Variants in IQCH observed in about 807,000 individuals in gnomAD.
IQCH encodes IQ domain-containing protein H.
IQCH carries 98 observed loss-of-function variants against 117.0 expected under a neutral mutation model. That is an observed-to-expected ratio of 0.84 (90% CI 0.71 to 0.99). The LOEUF is 0.99. Ranked by LOEUF, IQCH falls within the 50% of genes least tolerant of loss-of-function variation. The probability of loss-of-function intolerance (pLI) is 0.00; values close to 1 mark genes in which losing one functional copy is unlikely to be tolerated. For synonymous variants in IQCH, 412 were observed against 448.2 expected (o/e 0.92, Z 1.02); for missense variants, 1,102 against 1,243.8 (o/e 0.89, Z 1.72).
At position 67,357,554 on chromosome 15, in the gene IQCH, A is replaced by T. The variant is rs1452364604; in HGVS notation, c.714+133A>T. 4.4e-6 allele frequency: 3 copies of T among 677,946 alleles called. No individual in the cohort carries two copies. The African/African-American group carries it at 5.3e-5, about 12-fold the overall frequency. 42.0% of individuals were successfully genotyped at this position (677,946 alleles called of 1,614,324 possible). On this transcript the variant is annotated intron_variant, in intron 7 of 20. Coordinates refer to ENST00000335894, the MANE Select transcript of IQCH (RefSeq NM_001031715.3). Reference sequence around the variant, plus strand: ...AAGTGCTATTTCAGCTGCTGCTGGTATGCATTTGACTTTCAAAAGGGGAAT... The same window carrying T: ...AAGTGCTATTTCAGCTGCTGCTGGTTTGCATTTGACTTTCAAAAGGGGAAT...
rs535346161 is a variant in IQCH at position 67,474,591 on chromosome 15, A to T, written c.2677-1105A>T. ...ACAGCACTTTGGGCCTACTATCACC[A>T]ATCTCTTTGGCATGGCTTTCACTGA... is the stretch of plus-strand genomic sequence containing the variant. On this transcript the variant is annotated intron_variant, in intron 17 of 20. Transcript: ENST00000335894. The surrounding 1 kb of genome is among the most constrained non-coding windows in gnomAD (Gnocchi z 4.1). Among the ~76,000 whole-genome samples, 25 of 152,206 alleles carry T rather than the reference A, an allele frequency of 1.6e-4. No homozygotes were observed. The highest frequency in any genetic ancestry group is 2.6e-4 in the Non-Finnish European group (18 of 68,026).
At chr15:67,323,239 ATTTTTTTT>A in intron 4 of IQCH, among the ~76,000 whole-genome samples, 1 of 98,906 alleles carries the variant, frequency 1.0e-5, no homozygotes, top group African/African-American at 4.0e-5. Flanking sequence ...TTAGGGTTAC[ATTTTTTTT>A]TTTTTTTTTT....
intron 4 of IQCH, chr15:67,306,890 C>T: frequency 6.6e-7 from 1 of 1,516,578 alleles, no homozygotes; most frequent in Non-Finnish European, 8.8e-7. Flanking sequence ...CCCTCACTGA[C>T]ATCCAGTTCC....
intron 18 of IQCH, among the ~76,000 whole-genome samples, chr15:67,482,228 C>CT (rs397770078): frequency 6.6e-6 from 1 of 151,642 alleles, no homozygotes; most frequent in Non-Finnish European, 1.5e-5. Flanking sequence ...CATTTCCCAC[C>CT]AAAGGATAGG....
rs1012955044 is a variant in IQCH at position 67,465,393 on chromosome 15, G to C, written c.2676+96G>C. The C allele has an allele frequency of 4.6e-6, 6 of 1,292,498 alleles. No homozygotes were observed. Among genetic ancestry groups the C allele is most frequent in the Non-Finnish European group, 5.4e-6 (5 of 932,338 alleles). The allele number at this position is 1,292,498 out of a possible 1,614,324, so 80.1% of individuals were successfully genotyped here. ...TAGGAGCCAGGATCTTTGAGTACAG[G>C]AAGAAGAAAGAGCCTAAGGCAAGTC... On this transcript the variant is annotated intron_variant, in intron 17 of 20. Coordinates refer to ENST00000335894, the MANE Select transcript of IQCH (RefSeq NM_001031715.3). The surrounding 1 kb of genome is among the most constrained non-coding windows in gnomAD (Gnocchi z 5.9).
rs181568831 is a variant in IQCH at position 67,281,327 on chromosome 15, A to G, written c.387+1815A>G. On this transcript the variant is annotated intron_variant, in intron 4 of 20. Transcript: ENST00000335894. ...ATTGATTAATTAGGAGAAAAGGCAT[A>G]CAAGTTTATTTAACATGTATACACA... 1.1e-4 allele frequency among the ~76,000 whole-genome samples: 17 copies of G among 152,356 alleles called. No individual in the cohort carries two copies. In the East Asian group the frequency reaches 2.7e-3, roughly 24 times the overall value.
intron 4 of IQCH, 123 bp from the exon 5 acceptor site, chr15:67,336,852 C>A: frequency 2.4e-6 from 2 of 849,588 alleles, no homozygotes; most frequent in Non-Finnish European, 1.8e-6. Context: ...AAAATTGGAG[C>A]TGATATTGCT....
chr15:67,257,235 G>A (rs1038938946), intron 1 of IQCH, among the ~76,000 whole-genome samples: 1 of 152,146 alleles, frequency 6.6e-6, no homozygotes, highest in Non-Finnish European at 1.5e-5. Context: ...ACTTTAAATT[G>A]TCCCAATTTC....
In IQCH at chr15:67,369,817, A is replaced by G. The variant is rs556697153; in HGVS notation, c.754-2294A>G. The stretch of plus-strand genomic sequence containing the variant: ...TTGGGAAGCCTTTCTCTTGAGAGGC[A>G]TGTCTTTTCTTGCTCCAAGTCTAAA... On this transcript the variant is annotated intron_variant, in intron 8 of 20. Coordinates refer to ENST00000335894, the MANE Select transcript of IQCH (RefSeq NM_001031715.3). This position sits in a 1 kb window ranked among gnomAD's most constrained non-coding sequence, Gnocchi z 5.2. 1.3e-5 allele frequency among the ~76,000 whole-genome samples: 2 copies of G among 152,256 alleles called. No homozygotes were observed. The highest frequency in any genetic ancestry group is 1.9e-4 in the East Asian group (1 of 5,174).
chr15:67,319,998 G>A (rs1465886830), intron 4 of IQCH, among the ~76,000 whole-genome samples: 6 of 151,916 alleles, frequency 3.9e-5, no homozygotes, highest in South Asian at 2.1e-4. Flanking sequence ...CATTGACTTC[G>A]GCAAAAATAC....
In IQCH at chr15:67,431,826, A is replaced by G. The variant is rs991843020; in HGVS notation, c.2505+10249A>G. Among the ~76,000 whole-genome samples, 2 of 152,106 alleles carry G rather than the reference A, an allele frequency of 1.3e-5. No homozygotes were observed. The highest frequency in any genetic ancestry group is 2.9e-5 in the Non-Finnish European group (2 of 68,020). ...AATAAAAGCTTCAGGTGATGGAAAA[A>G]GGAAAAAAAGTTCTTTTAGCCTGGG... On this transcript the variant is annotated intron_variant, in intron 16 of 20. Coordinates refer to ENST00000335894, the MANE Select transcript of IQCH (RefSeq NM_001031715.3). The surrounding 1 kb of genome is among the most constrained non-coding windows in gnomAD (Gnocchi z 4.8).
chr15:67,256,823 G>C (rs1965237814), intron 1 of IQCH, among the ~76,000 whole-genome samples: 1 of 152,178 alleles, frequency 6.6e-6, no homozygotes, highest in African/African-American at 2.4e-5. Flanking sequence ...ATCAAGTAAA[G>C]GGCTGTGTAG....
chr15:67,264,913 G>C (rs1012497132), intron 3 of IQCH, among the ~76,000 whole-genome samples: 11 of 151,750 alleles, frequency 7.2e-5, no homozygotes, highest in Middle Eastern at 6.8e-3. Flanking sequence ...ATATACAAGA[G>C]AGCCTACCAA....
At chr15:67,316,431 G>A (rs774106350) in intron 4 of IQCH, among the ~76,000 whole-genome samples, 15 of 152,244 alleles carry the variant, frequency 9.9e-5, no homozygotes, top group Non-Finnish European at 1.5e-4. Context: ...TATGGAATTA[G>A]CATTTAATCT....
At position 67,383,360 on chromosome 15, in the gene IQCH, A is replaced by G. The variant is rs183437201; in HGVS notation, c.1373-1576A>G. Among the ~76,000 whole-genome samples the G allele has an allele frequency of 1.8e-4, 28 of 152,316 alleles. No individual in the cohort carries two copies. The East Asian group carries it at 3.9e-3, about 21-fold the overall frequency. On this transcript the variant is annotated intron_variant, in intron 10 of 20. Transcript: ENST00000335894. ...TAATTTGTTGGAAAACTGACTTCAA[A>G]CACTGGAATGGAACACAGACTTATT...
intron 16 of IQCH, among the ~76,000 whole-genome samples, chr15:67,423,673 C>T (rs1246977311): frequency 6.7e-6 from 1 of 149,940 alleles, no homozygotes; most frequent in African/African-American, 2.5e-5. Flanking sequence ...GAGGCGCAGG[C>T]GGGTGGATTG....
At chr15:67,321,994 A>G (rs986973157) in intron 4 of IQCH, among the ~76,000 whole-genome samples, 1 of 152,220 alleles carries the variant, frequency 6.6e-6, no homozygotes, top group Non-Finnish European at 1.5e-5. Flanking sequence ...GCGGATGATG[A>G]TTTTCAGCAC....
Position 67,284,215 on chromosome 15 carries a change from T to A in IQCH, c.387+4703T>A, listed in dbSNP as rs370591077. On this transcript the variant is annotated intron_variant, in intron 4 of 20. Coordinates refer to ENST00000335894, the MANE Select transcript of IQCH (RefSeq NM_001031715.3). ...CCACACTACCCTTCCCAGACTCTAG[T>A]AACTATCCTTCTACTTTCCATCTTC... Among the ~76,000 whole-genome samples, 12 of 152,276 alleles carry A rather than the reference T, an allele frequency of 7.9e-5. No individual in the cohort carries two copies. The South Asian group carries it at 1.7e-3, about 21-fold the overall frequency.
rs114739947 is a variant in IQCH at position 67,342,687 on chromosome 15, T to C, written c.509-1376T>C. Among the ~76,000 whole-genome samples the C allele has an allele frequency of 4.8e-3, 733 of 152,294 alleles. 4 individuals are homozygous for C. Among genetic ancestry groups the C allele is most frequent in the African/African-American group, 0.017 (708 of 41,564 alleles). On this transcript the variant is annotated intron_variant, in intron 5 of 20. Coordinates refer to ENST00000335894, the MANE Select transcript of IQCH (RefSeq NM_001031715.3). The surrounding 1 kb of genome is among the most constrained non-coding windows in gnomAD (Gnocchi z 4.7). ...TTTAAAGTAGTTCAATCTAGTGTTA[T>C]AAAAATTAAAACCTGAAGTACTAAT... is the stretch of plus-strand genomic sequence containing the variant.
Sources: allele counts gnomAD v4.1 joint callset (sites outside exome capture counted in the v4.1 genomes callset), GRCh38; gene constraint gnomAD v4.1.1; non-coding constraint Gnocchi (gnomAD v3.1); transcripts MANE v1.5; gene names NCBI Gene and HGNC (gene_info 2026-07-23, HGNC 2026-07-21).